Variants in ELP4 observed in about 807,000 individuals in gnomAD.
ELP4 encodes the protein elongator acetyltransferase complex subunit 4.
Under a neutral mutation model 48.9 loss-of-function variants are expected in ELP4, and 51 were observed. The observed-to-expected ratio is 1.04, with a 90% confidence interval of 0.83 to 1.32. ELP4 has a LOEUF of 1.32. Ranked by LOEUF, ELP4 falls within the 40% of genes most tolerant of loss-of-function variation. The probability of loss-of-function intolerance (pLI) is 0.00; values close to 1 mark genes in which losing one functional copy is unlikely to be tolerated. For synonymous variants in ELP4, 210 were observed against 189.2 expected, an observed-to-expected ratio of 1.11 and a Z score of -0.90; for missense variants, 519 against 514.6, an observed-to-expected ratio of 1.01 and a Z score of -0.08.
intron 9 of ELP4, among the ~76,000 whole-genome samples, chr11:31,681,407 A>G (rs1371669073): frequency 8.5e-5 from 13 of 152,228 alleles, no homozygotes; most frequent in Admixed American, 7.9e-4. Context: ...AGTTCAGAAA[A>G]TTAGACAGCT....
chr11:31,558,334 G>A (rs978863885), intron 3 of ELP4, among the ~76,000 whole-genome samples: 2 of 152,006 alleles, frequency 1.3e-5, no homozygotes, highest in African/African-American at 4.8e-5. Context: ...TTCTAGTAAG[G>A]AAATGAAGGA....
At chr11:31,643,126 C>G (rs1046968379) in intron 7 of ELP4, among the ~76,000 whole-genome samples, 5 of 151,780 alleles carry the variant, frequency 3.3e-5, no homozygotes, top group Admixed American at 1.3e-4. Flanking sequence ...TCCCCGCTCT[C>G]TCCCAACACA....
Position 31,783,381 on chromosome 11 carries a change from C to T in ELP4, c.1144-12C>T, listed in dbSNP as rs774338535. On this transcript the variant is annotated splice_polypyrimidine_tract_variant and intron_variant, in intron 9 of 9. Coordinates refer to ENST00000640961, the MANE Select transcript of ELP4 (RefSeq NM_019040.5). ...TCTTCTTTTTTTCTTCTCCTGAAAT[C>T]TTCTGCCATAGCGACTGCATTTGCC... The T allele has an allele frequency of 6.3e-7, 1 of 1,595,526 alleles. No homozygotes were observed. Among genetic ancestry groups the T allele is most frequent in the Non-Finnish European group, 8.5e-7 (1 of 1,170,540 alleles).
Position 31,614,679 on chromosome 11 carries a change from GTA to G in ELP4, c.653+10774_653+10775del, listed in dbSNP as rs1282330014. On this transcript the variant is annotated intron_variant, in intron 5 of 9. Transcript: ENST00000640961. Reference sequence around the variant, plus strand: ...CAGTAGTGGGGATGATCAAAAGCATGTATCACCAGATAATACGCAATGAGAAC... The same window carrying G: ...CAGTAGTGGGGATGATCAAAAGCATGTCACCAGATAATACGCAATGAGAAC... 3.3e-5 allele frequency among the ~76,000 whole-genome samples: 5 copies of G among 152,228 alleles called. No homozygotes were observed. The East Asian group carries it at 7.7e-4, about 24-fold the overall frequency.
chr11:31,681,945 T>G (rs567023374), intron 9 of ELP4: 46 of 514,854 alleles, frequency 8.9e-5, no homozygotes, highest in African/African-American at 8.9e-4. Flanking sequence ...TCCACCATGT[T>G]GGCCAGGCTG....
intron 6 of ELP4, among the ~76,000 whole-genome samples, chr11:31,630,410 C>T (rs1382257260): frequency 6.6e-6 from 1 of 151,358 alleles, no homozygotes; most frequent in African/African-American, 2.4e-5. Context: ...CTCCCTGCAA[C>T]CTCCGCCTCC....
At chr11:31,573,219 G>A (rs1565060284) in intron 3 of ELP4, among the ~76,000 whole-genome samples, 2 of 152,116 alleles carry the variant, frequency 1.3e-5, no homozygotes. Context: ...CATGCAGTCT[G>A]TCTCCCTACC....
chr11:31,602,858 T>G (rs996535480), intron 4 of ELP4, among the ~76,000 whole-genome samples: 3 of 152,114 alleles, frequency 2.0e-5, no homozygotes, highest in Non-Finnish European at 4.4e-5. Context: ...AGATCTGAAA[T>G]CTTTTATTAG....
At chr11:31,657,933 G>C (rs959936795) in intron 9 of ELP4, among the ~76,000 whole-genome samples, 1 of 151,976 alleles carries the variant, frequency 6.6e-6, no homozygotes, top group Non-Finnish European at 1.5e-5. Context: ...TTATTTCATA[G>C]ACCTTACAAC....
chr11:31,684,459 G>A (rs542878620), intron 9 of ELP4, among the ~76,000 whole-genome samples: 6 of 152,178 alleles, frequency 3.9e-5, no homozygotes, highest in South Asian at 2.1e-4. Flanking sequence ...CACTTATCTC[G>A]GCCTCCCAAA....
chr11:31,716,476 G>C (rs1170615739), intron 9 of ELP4, among the ~76,000 whole-genome samples: 1 of 152,174 alleles, frequency 6.6e-6, no homozygotes, highest in Non-Finnish European at 1.5e-5. Context: ...TCTATATCAT[G>C]GGGCTGATAA....
At chr11:31,592,943 A>G (rs1051068550) in intron 3 of ELP4, among the ~76,000 whole-genome samples, 1 of 152,178 alleles carries the variant, frequency 6.6e-6, no homozygotes, top group Non-Finnish European at 1.5e-5. Context: ...ACAGTGTGAT[A>G]TAAGTTATTT....
chr11:31,770,103 C>T (rs1030243029), intron 9 of ELP4, among the ~76,000 whole-genome samples: 1 of 152,168 alleles, frequency 6.6e-6, no homozygotes, highest in African/African-American at 2.4e-5. Flanking sequence ...AGATCTGAAG[C>T]ATCTCTCAGC....
intron 9 of ELP4, among the ~76,000 whole-genome samples, chr11:31,677,710 T>A (rs928774065): frequency 6.6e-6 from 1 of 152,144 alleles, no homozygotes; most frequent in Non-Finnish European, 1.5e-5. Context: ...TTTAAAGAGT[T>A]TTTAAAAGGC....
intron 4 of ELP4, chr11:31,599,792 C>A (rs1592148925): frequency 6.6e-6 from 1 of 152,226 alleles, no homozygotes; most frequent in African/African-American, 2.4e-5. Context: ...CCCCATGATC[C>A]AATCACTTCT....
At chr11:31,752,688 G>A (rs1175430357) in intron 9 of ELP4, among the ~76,000 whole-genome samples, 1 of 152,024 alleles carries the variant, frequency 6.6e-6, no homozygotes, top group East Asian at 1.9e-4. Context: ...CAAAAAATTA[G>A]CCGGGCATGG....
At chr11:31,554,297 AG>A (rs767736336) in intron 3 of ELP4, among the ~76,000 whole-genome samples, 4 of 152,168 alleles carry the variant, frequency 2.6e-5, no homozygotes, top group Non-Finnish European at 5.9e-5. Flanking sequence ...GGTGCCAAAA[AG>A]GTTGGGGACT....
intron 3 of ELP4, chr11:31,541,605 T>A (rs1411930040): frequency 6.6e-6 from 1 of 152,214 alleles, no homozygotes; most frequent in African/African-American, 2.4e-5. Flanking sequence ...CTGTATATGC[T>A]TTTGAAAATA....
chr11:31,680,967 C>T (rs79703352), intron 9 of ELP4, among the ~76,000 whole-genome samples: 74 of 151,922 alleles, frequency 4.9e-4, no homozygotes, highest in African/African-American at 1.7e-3. Flanking sequence ...AATTAGCTGA[C>T]GTATCAAAAA....
Sources: allele counts gnomAD v4.1 joint callset (sites outside exome capture counted in the v4.1 genomes callset), GRCh38; gene constraint gnomAD v4.1.1; transcripts MANE v1.5; gene names NCBI Gene and HGNC (gene_info 2026-07-23, HGNC 2026-07-21).